Variants in CBLL1 observed in about 807,000 individuals in gnomAD.
CBLL1 encodes E3 ubiquitin-protein ligase Hakai.
In CBLL1, 4 loss-of-function variants were observed where a neutral mutation model predicts 44.9. The ratio of observed to expected loss-of-function variants is 0.09; its 90% CI spans 0.04 to 0.20. The LOEUF (loss-of-function observed/expected upper bound fraction) is 0.20. Among genes scored for constraint, CBLL1 ranks in the 10% least tolerant of loss-of-function variants. CBLL1 has a pLI of 1.00. For synonymous variants in CBLL1, 235 were observed against 202.2 expected, an observed-to-expected ratio of 1.16 and a Z score of -1.38; for missense variants, 569 against 636.7, an observed-to-expected ratio of 0.89 and a Z score of 1.14.
intron 1 of CBLL1, among the ~76,000 whole-genome samples, chr7:107,746,627 C>T (rs1188786611): frequency 6.6e-6 from 1 of 152,162 alleles, no homozygotes; most frequent in Non-Finnish European, 1.5e-5. Context: ...ACAGGATAGG[C>T]ATCTCAAAAG....
intron 3 of CBLL1, 91 bp from the exon 4 acceptor site, chr7:107,753,804 A>G: frequency 2.5e-6 from 2 of 786,392 alleles, no homozygotes; most frequent in Non-Finnish European, 3.8e-6. Context: ...AATTGTTTTA[A>G]CAACTTTTAT....
intron 2 of CBLL1, among the ~76,000 whole-genome samples, chr7:107,750,670 GC>G (rs1793244410): frequency 6.6e-6 from 1 of 152,110 alleles, no homozygotes; most frequent in African/African-American, 2.4e-5. Context: ...TATTTGAAAG[GC>G]CTTCCCCTAT....
intron 2 of CBLL1, among the ~76,000 whole-genome samples, chr7:107,751,332 C>G (rs1793280381): frequency 6.6e-6 from 1 of 152,284 alleles, no homozygotes; most frequent in East Asian, 1.9e-4. Flanking sequence ...TCCCTCACCT[C>G]CTGCTGTGTG....
At chr7:107,745,068 A>G (rs1290812803) in intron 1 of CBLL1, among the ~76,000 whole-genome samples, 2 of 151,598 alleles carry the variant, frequency 1.3e-5, no homozygotes, top group African/African-American at 4.8e-5. Flanking sequence ...GTGTATGTTT[A>G]TTTATGCAAG....
rs1266972457 is a variant in CBLL1, at chr7:107,759,881, G to A, written c.*703G>A. 1 of 152,228 alleles carries A rather than the reference G, an allele frequency of 6.6e-6. No individual in the cohort carries two copies. The highest frequency in any genetic ancestry group is 1.5e-5 in the Non-Finnish European group (1 of 67,986). 9.4% of individuals were successfully genotyped at this position (152,228 alleles called of 1,614,324 possible). A position where few individuals can be genotyped will look rare whatever the true frequency, so the allele number is the denominator to read the frequency against. ...GTACTAAGATATATTTGTTCGTAATGTTAAAAGACATTACTAATTATTTGG... is the reference window on the plus strand; with the variant it reads ...GTACTAAGATATATTTGTTCGTAATATTAAAAGACATTACTAATTATTTGG... On this transcript the variant is annotated 3_prime_UTR_variant, in exon 6 of 6. Coordinates refer to ENST00000440859, the MANE Select transcript of CBLL1 (RefSeq NM_024814.4).
In CBLL1 at chr7:107,758,545, C is replaced by A. The variant is rs755899116; in HGVS notation, c.843C>A (p.Thr281=). 1 of 1,613,832 alleles carries A rather than the reference C, an allele frequency of 6.2e-7. No homozygotes were observed. Among genetic ancestry groups the A allele is most frequent in the Non-Finnish European group, 8.5e-7 (1 of 1,179,970 alleles). Residue 281 remains threonine (T), a synonymous_variant, in exon 6 of 6, where the codon ACC becomes ACA. Transcript: ENST00000440859. The surrounding 1 kb of genome is among the most constrained non-coding windows in gnomAD (Gnocchi z 4.2). The part of the protein sequence containing the change: ...PPPPRSVSQE[T]FRISTRKHSN... ...CACCTCGATCGGTCAGTCAGGAAAC[C>A]TTTCGTATTTCAACAAGAAAACACA...
Position 107,758,455 on chromosome 7 carries a change from G to C in CBLL1, c.753G>C (p.Glu251Asp). 1 of 1,614,070 alleles carries C rather than the reference G, an allele frequency of 6.2e-7. No individual in the cohort carries two copies. Among genetic ancestry groups the C allele is most frequent in the Non-Finnish European group, 8.5e-7 (1 of 1,180,008 alleles). The change falls in exon 6 of 6, where the codon GAG (glutamate) becomes GAC (aspartate). Residue 251 changes from glutamate to aspartate, a missense_variant. Transcript: ENST00000440859. This position sits in a 1 kb window ranked among gnomAD's most constrained non-coding sequence, Gnocchi z 4.2. ...PPPPLQHVPH[E>D]HYNQPHEDIR... ...CTCCTTTGCAACATGTGCCACATGA[G>C]CACTATAATCAGCCACATGAGGATA...
chr7:107,745,550 T>C (rs1015388293), intron 1 of CBLL1, among the ~76,000 whole-genome samples: 3 of 152,184 alleles, frequency 2.0e-5, no homozygotes, highest in African/African-American at 7.2e-5. Context: ...TATGAAGCCA[T>C]TGAACAGAAG....
At chr7:107,744,433 A>G in intron 1 of CBLL1, 2 of 437,608 alleles carry the variant, frequency 4.6e-6, no homozygotes, top group Non-Finnish European at 8.1e-6. Flanking sequence ...AGCCCGGACC[A>G]GTGGGCGATG....
intron 2 of CBLL1, chr7:107,752,638 AT>A: frequency 8.2e-7 from 1 of 1,214,082 alleles, no homozygotes; most frequent in Non-Finnish European, 1.1e-6. Flanking sequence ...TCTACCTAGA[AT>A]TCCCATCAGA....
At chr7:107,744,891 G>C (rs1179719294) in intron 1 of CBLL1, 1 of 152,114 alleles carries the variant, frequency 6.6e-6, no homozygotes, top group Non-Finnish European at 1.5e-5. Context: ...CTTCTTTGTG[G>C]TTCTTGGATA....
chr7:107,744,239 C>A, intron 1 of CBLL1, 63 bp downstream of exon 1: 1 of 1,493,722 alleles, frequency 6.7e-7, no homozygotes, highest in Non-Finnish European at 9.0e-7. Context: ...TGGGGCTGGT[C>A]GCACAGCAGG....
At chr7:107,756,204 T>G (rs1237482699) in intron 5 of CBLL1, among the ~76,000 whole-genome samples, 1 of 152,176 alleles carries the variant, frequency 6.6e-6, no homozygotes, top group Admixed American at 6.5e-5. Flanking sequence ...GAAAGATACT[T>G]GCTTGGAGTA....
At chr7:107,752,886 T>C (rs1793367238) in intron 2 of CBLL1, among the ~76,000 whole-genome samples, 1 of 152,216 alleles carries the variant, frequency 6.6e-6, no homozygotes, top group South Asian at 2.1e-4. Context: ...AGTGTCTAAA[T>C]CACTCATTTT....
At chr7:107,754,565 G>T (rs1474492660) in intron 4 of CBLL1, among the ~76,000 whole-genome samples, 2 of 152,106 alleles carry the variant, frequency 1.3e-5, no homozygotes, top group Non-Finnish European at 2.9e-5. Context: ...AGATGGCATG[G>T]ATTATGCAGT....
chr7:107,746,998 C>T (rs191750634), intron 1 of CBLL1, among the ~76,000 whole-genome samples: 1 of 152,168 alleles, frequency 6.6e-6, no homozygotes, highest in East Asian at 1.9e-4. Flanking sequence ...TCTGAAGTGG[C>T]CAGTAGTCCT....
In CBLL1 at chr7:107,758,276, A is replaced by C. The variant is rs1793620479; in HGVS notation, c.574A>C (p.Arg192=). Residue 192 remains arginine, a synonymous_variant, in exon 6 of 6, where the codon AGA becomes CGA. Coordinates refer to ENST00000440859, the MANE Select transcript of CBLL1 (RefSeq NM_024814.4). This position sits in a 1 kb window ranked among gnomAD's most constrained non-coding sequence, Gnocchi z 4.2. Reference sequence around the variant, plus strand: ...GGCTCATATCAACCATCGCCATATGAGAGCTGGAAAACCTGTTACCCGTGC... The same window carrying C: ...GGCTCATATCAACCATCGCCATATGCGAGCTGGAAAACCTGTTACCCGTGC... The part of the protein sequence containing the change: ...LQAHINHRHM[R]AGKPVTRASL... 8 of 1,614,148 alleles carry C rather than the reference A, an allele frequency of 5.0e-6. No homozygotes were observed. Among genetic ancestry groups the C allele is most frequent in the Non-Finnish European group, 6.8e-6 (8 of 1,180,010 alleles).
chr7:107,745,662 G>C (rs1792979843), intron 1 of CBLL1, among the ~76,000 whole-genome samples: 1 of 152,202 alleles, frequency 6.6e-6, no homozygotes. Flanking sequence ...GATTGCAGTA[G>C]ACGGGAAGGG....
In CBLL1 at chr7:107,758,694, C is replaced by G. The variant is rs138803921; in HGVS notation, c.992C>G (p.Pro331Arg). The G allele has an allele frequency of 1.2e-6, 2 of 1,613,978 alleles. No individual in the cohort carries two copies. The highest frequency in any genetic ancestry group is 1.7e-6 in the Non-Finnish European group (2 of 1,179,998). The stretch of plus-strand genomic sequence containing the variant: ...CAGGGTCAACCAGTGGTATCGCACC[C>G]TCATCATATTATGCCTCCACAGCAA... ...EYQGQPVVSH[P>R]HHIMPPQQHY... is the part of the protein sequence containing the mutation. The change falls in exon 6 of 6, where the codon CCT becomes CGT. Residue 331 changes from proline (P) to arginine (R), a missense_variant. Pro to Arg is a moderately radical substitution (Grantham distance 103). Transcript: ENST00000440859. The surrounding 1 kb of genome is among the most constrained non-coding windows in gnomAD (Gnocchi z 4.2).
Sources: gnomAD v4.1 joint callset for allele counts (sites outside exome capture counted in the v4.1 genomes callset) on GRCh38, gnomAD v4.1.1 for gene constraint, Gnocchi (gnomAD v3.1) non-coding constraint, MANE v1.5 for transcripts, NCBI Gene and HGNC (gene_info 2026-07-23, HGNC 2026-07-21) for gene names.